Variants in LINGO2 observed in about 807,000 individuals in gnomAD.
LINGO2 encodes leucine rich repeat and Ig domain containing 2.
A neutral mutation model predicts 30.6 loss-of-function variants in LINGO2; 14 were observed. The ratio of observed to expected loss-of-function variants is 0.46; its 90% CI spans 0.30 to 0.72. The LOEUF (loss-of-function observed/expected upper bound fraction) is 0.72, where lower values mean the gene tolerates loss of function less well. LINGO2 is among the 30% of genes least tolerant of loss of function. The probability of loss-of-function intolerance (pLI) is 0.07; values close to 1 mark genes in which losing one functional copy is unlikely to be tolerated. For synonymous variants in LINGO2, 317 were observed against 288.5 expected (o/e 1.10, Z -1.00); for missense variants, 729 against 751.7 (o/e 0.97, Z 0.35).
At position 28,155,684 on chromosome 9, in the gene LINGO2, C is replaced by T. The variant is rs1340113130; in HGVS notation, c.-87+139524G>A. Among the ~76,000 whole-genome samples the T allele has an allele frequency of 2.0e-5, 3 of 152,154 alleles. No homozygotes were observed. In the East Asian group the frequency reaches 5.8e-4, roughly 29 times the overall value. On this transcript the variant is annotated intron_variant, in intron 4 of 5. Coordinates refer to ENST00000379992, the Ensembl canonical transcript of LINGO2. ...GTTGGTGTAAGACTAATGCTATAGA[C>T]TAAATGTGTCTTCCCAAAATTCCTG...
chr9:28,230,696 T>A (rs563026708), intron 4 of LINGO2, among the ~76,000 whole-genome samples: 1 of 151,956 alleles, frequency 6.6e-6, no homozygotes, highest in Non-Finnish European at 1.5e-5. Flanking sequence ...ATCTGCAAAT[T>A]AATTTGTAAA....
rs532879500 is a variant in LINGO2 at position 28,552,766 on chromosome 9, T to C, written c.-364-76741A>G. On this transcript the variant is annotated intron_variant, in intron 1 of 5. Transcript: ENST00000379992. The stretch of plus-strand genomic sequence containing the variant: ...ATTTTATTTTATTTTATTTCTATTC[T>C]TATTTTTTCCTAATTTCAATCTTAG... 5.3e-4 allele frequency among the ~76,000 whole-genome samples: 80 copies of C among 151,852 alleles called. No homozygotes were observed. In the South Asian group the frequency reaches 6.4e-3, roughly 12 times the overall value.
the LINGO2 span, among the ~76,000 whole-genome samples, chr9:28,747,383 C>T: frequency 1.3e-5 from 2 of 152,018 alleles, no homozygotes; most frequent in African/African-American, 4.8e-5. Context: ...ATAAAACCCC[C>T]ACATTCATAA....
chr9:29,161,050 G>A, the LINGO2 span, among the ~76,000 whole-genome samples: 8 of 152,354 alleles, frequency 5.3e-5, no homozygotes, highest in South Asian at 1.4e-3. Context: ...GGACAGAGAG[G>A]AGCCAGGGCA....
chr9:28,669,282 G>T (rs937464467), intron 1 of LINGO2, among the ~76,000 whole-genome samples: 2 of 152,140 alleles, frequency 1.3e-5, no homozygotes, highest in African/African-American at 4.8e-5. Flanking sequence ...CTGAAAGCAA[G>T]CATATTCCCT....
At chr9:28,100,488 T>A (rs1826381446) in intron 4 of LINGO2, among the ~76,000 whole-genome samples, 1 of 152,142 alleles carries the variant, frequency 6.6e-6, no homozygotes, top group Admixed American at 6.6e-5. Flanking sequence ...AATGAACACA[T>A]GCTGATGAGG....
At chr9:28,855,708 T>C in the LINGO2 span, among the ~76,000 whole-genome samples, 1 of 151,918 alleles carries the variant, frequency 6.6e-6, no homozygotes, top group Non-Finnish European at 1.5e-5. Flanking sequence ...TATCCCTTCA[T>C]GAGAGTAAAA....
At chr9:28,220,164 C>A (rs1027046004) in intron 4 of LINGO2, among the ~76,000 whole-genome samples, 2 of 152,090 alleles carry the variant, frequency 1.3e-5, no homozygotes, top group Non-Finnish European at 2.9e-5. Context: ...TATGCCATTT[C>A]ATATAAGGGA....
intron 4 of LINGO2, among the ~76,000 whole-genome samples, chr9:28,056,605 C>T (rs1475443124): frequency 6.6e-6 from 1 of 152,072 alleles, no homozygotes; most frequent in Non-Finnish European, 1.5e-5. Context: ...CCAATTAGCC[C>T]CTGGCAGGAC....
chr9:27,961,329 C>T (rs1819835138), intron 5 of LINGO2, among the ~76,000 whole-genome samples: 1 of 152,094 alleles, frequency 6.6e-6, no homozygotes, highest in Non-Finnish European at 1.5e-5. Flanking sequence ...ACTTTAATAT[C>T]GAATTGCTTC....
chr9:28,650,488 C>T (rs1828046651), intron 1 of LINGO2, among the ~76,000 whole-genome samples: 1 of 152,142 alleles, frequency 6.6e-6, no homozygotes, highest in Admixed American at 6.5e-5. Context: ...GAAATCCCCA[C>T]ATCAGATGAG....
chr9:28,003,386 T>TATATAG lies in LINGO2; in HGVS notation c.-36+8968_-36+8969insCTATAT, dbSNP rs144010026. Among the ~76,000 whole-genome samples the TATATAG allele has an allele frequency of 5.3e-4, 71 of 134,958 alleles. 1 individual carries two copies. Among genetic ancestry groups the TATATAG allele is most frequent in the Admixed American group, 1.4e-3 (19 of 13,984 alleles). 88.5% of individuals were successfully genotyped at this position (134,958 alleles called of 152,430 possible). A position where few individuals can be genotyped will look rare whatever the true frequency, so the allele number is the denominator to read the frequency against. On this transcript the variant is annotated intron_variant, in intron 5 of 5. Coordinates refer to ENST00000379992, the Ensembl canonical transcript of LINGO2. ...AGATAGATAGATAGATAGATAGATA[T>TATATAG]AGAGAGAGAGAGAGTTAGAGAGTTC...
chr9:29,128,703 A>T, the LINGO2 span, among the ~76,000 whole-genome samples: 1 of 152,078 alleles, frequency 6.6e-6, no homozygotes, highest in Non-Finnish European at 1.5e-5. Context: ...GGACAAGCAA[A>T]TTGTAACCAT....
rs138680961 is a variant in LINGO2, at chr9:28,559,155, C to T, written c.-364-83130G>A. Reference sequence around the variant, plus strand: ...CTGTCATCAAGTAAATATTCAGACACTGTCAGCACTTTATTGGAAGAGTTG... The same window carrying T: ...CTGTCATCAAGTAAATATTCAGACATTGTCAGCACTTTATTGGAAGAGTTG... On this transcript the variant is annotated intron_variant, in intron 1 of 5. Coordinates refer to ENST00000379992, the Ensembl canonical transcript of LINGO2. Among the ~76,000 whole-genome samples, 438 of 152,218 alleles carry T rather than the reference C, an allele frequency of 2.9e-3. 2 individuals carry two copies. The highest frequency in any genetic ancestry group is 0.01 in the African/African-American group (420 of 41,580).
intron 1 of LINGO2, among the ~76,000 whole-genome samples, chr9:28,478,745 T>C (rs1825820983): frequency 6.6e-6 from 1 of 152,124 alleles, no homozygotes; most frequent in Non-Finnish European, 1.5e-5. Context: ...ATACTTCTTC[T>C]CTTACTTACT....
the LINGO2 span, among the ~76,000 whole-genome samples, chr9:28,893,319 A>C: frequency 6.6e-6 from 1 of 152,012 alleles, no homozygotes; most frequent in Non-Finnish European, 1.5e-5. Flanking sequence ...AGGACATCTG[A>C]CTATTTTTAA....
chr9:28,312,864 C>A (rs1385633110), intron 3 of LINGO2, among the ~76,000 whole-genome samples: 1 of 152,072 alleles, frequency 6.6e-6, no homozygotes, highest in Admixed American at 6.5e-5. Context: ...TTAATCAGGG[C>A]TCTGTTGTGT....
chr9:28,436,332 G>A (rs1823919325), intron 2 of LINGO2, among the ~76,000 whole-genome samples: 1 of 152,084 alleles, frequency 6.6e-6, no homozygotes, highest in Admixed American at 6.5e-5. Flanking sequence ...ACTGAACATA[G>A]ACATATGTCT....
chr9:28,324,143 C>A (rs963019994), intron 3 of LINGO2, among the ~76,000 whole-genome samples: 3 of 152,106 alleles, frequency 2.0e-5, no homozygotes, highest in Non-Finnish European at 4.4e-5. Flanking sequence ...ATGAAGCAAG[C>A]AAGTTTAGGA....
Sources: allele counts gnomAD v4.1 joint callset (sites outside exome capture counted in the v4.1 genomes callset), GRCh38; gene constraint gnomAD v4.1.1; transcripts MANE v1.5; gene names NCBI Gene and HGNC (gene_info 2026-07-23, HGNC 2026-07-21).